Variants in ALG9 observed in about 807,000 individuals in gnomAD.
ALG9 encodes ALG9 alpha-1,2-mannosyltransferase.
A neutral mutation model predicts 81.8 loss-of-function variants in ALG9; 55 were observed. That is an observed-to-expected ratio of 0.67 (90% CI 0.54 to 0.84). The LOEUF (loss-of-function observed/expected upper bound fraction) is 0.84. ALG9 is among the 40% of genes least tolerant of loss of function. The probability of loss-of-function intolerance (pLI) is 0.00; values close to 1 mark genes in which losing one functional copy is unlikely to be tolerated. For missense variants in ALG9, 629 were observed against 745.0 expected (o/e 0.84, Z 1.81); for synonymous variants, 278 against 274.3 (o/e 1.01, Z -0.13).
At chr11:111,813,259 AATGACG>A (rs1555093403) in intron 13 of ALG9, among the ~76,000 whole-genome samples, 1 of 152,234 alleles carries the variant, frequency 6.6e-6, no homozygotes, top group Non-Finnish European at 1.5e-5. Flanking sequence ...TATAAAAAAG[AATGACG>A]ATACATTTGA....
intron 14 of ALG9, among the ~76,000 whole-genome samples, chr11:111,797,890 A>G (rs1555076747): frequency 6.6e-6 from 1 of 152,192 alleles, no homozygotes; most frequent in Non-Finnish European, 1.5e-5. Flanking sequence ...TAATAAGCGT[A>G]TATGATATCA....
intron 10 of ALG9, among the ~76,000 whole-genome samples, chr11:111,838,692 C>A (rs1467794209): frequency 6.6e-6 from 1 of 151,998 alleles, no homozygotes; most frequent in African/African-American, 2.4e-5. Context: ...TTAAGCAATG[C>A]TTTTTTGGTA....
chr11:111,821,172 AT>A (rs1555103291), intron 13 of ALG9, among the ~76,000 whole-genome samples: 1 of 152,100 alleles, frequency 6.6e-6, no homozygotes, highest in African/African-American at 2.4e-5. Flanking sequence ...GATTATCAGT[AT>A]TTTTTTCCTA....
chr11:111,793,528 G>A (rs1184652166), intron 14 of ALG9, among the ~76,000 whole-genome samples: 5 of 152,260 alleles, frequency 3.3e-5, no homozygotes, highest in South Asian at 2.1e-4. Context: ...TTGGGAGGCC[G>A]AGGCGGGCGG....
At chr11:111,856,427 T>C (rs1958695330) in intron 6 of ALG9, among the ~76,000 whole-genome samples, 1 of 151,906 alleles carries the variant, frequency 6.6e-6, no homozygotes, top group Non-Finnish European at 1.5e-5. Flanking sequence ...AAATTTAATA[T>C]GTAGAATACC....
At chr11:111,813,807 G>A in intron 13 of ALG9, among the ~76,000 whole-genome samples, 1 of 152,124 alleles carries the variant, frequency 6.6e-6, no homozygotes, top group East Asian at 1.9e-4. Context: ...AAAAATTACA[G>A]TATCAAGTGT....
intron 14 of ALG9, among the ~76,000 whole-genome samples, chr11:111,791,767 T>C (rs1947447402): frequency 6.6e-6 from 1 of 152,214 alleles, no homozygotes; most frequent in Non-Finnish European, 1.5e-5. Context: ...CATGACTGAG[T>C]CCATCTCATT....
chr11:111,834,202 T>G (rs1555115471), intron 13 of ALG9, among the ~76,000 whole-genome samples: 1 of 152,218 alleles, frequency 6.6e-6, no homozygotes, highest in Non-Finnish European at 1.5e-5. Flanking sequence ...AAGGAAGGTC[T>G]GCTCAATATG....
chr11:111,825,078 G>C (rs1174231193), intron 13 of ALG9, among the ~76,000 whole-genome samples: 1 of 152,170 alleles, frequency 6.6e-6, no homozygotes, highest in African/African-American at 2.4e-5. Flanking sequence ...CATGATCCCT[G>C]TTCTCCAGGT....
chr11:111,871,011 G>A lies in ALG9; in HGVS notation c.131+341C>T, dbSNP rs1476667978. On this transcript the variant is annotated intron_variant, in intron 1 of 14. Coordinates refer to ENST00000616540, the MANE Select transcript of ALG9 (RefSeq NM_024740.2). ...GCCCAGTAAAGGGTCGGGACTTGAG[G>A]GAGAATAAAAGGAGCTGTGAGGAAC... is the stretch of plus-strand genomic sequence containing the variant. 5 of 1,048,428 alleles carry A rather than the reference G, an allele frequency of 4.8e-6. No individual in the cohort carries two copies. The African/African-American group carries it at 8.5e-5, about 18-fold the overall frequency. 64.9% of individuals were successfully genotyped at this position (1,048,428 alleles called of 1,614,324 possible). A position where few individuals can be genotyped will look rare whatever the true frequency, so the allele number is the denominator to read the frequency against.
At position 111,786,442 on chromosome 11, in the gene ALG9, G is replaced by A. The variant is rs1555063948; in HGVS notation, c.1812C>T (p.Leu604=). Residue 604 remains leucine (L), a synonymous_variant, in exon 15 of 15, where the codon CTC becomes CTT. Transcript: ENST00000616540. ...QYTVYVNYTI[L]KPRKAKQIRK... Reference sequence around the variant, plus strand: ...TGATTTGCTTTGCTTTCCGGGGTTTGAGGATGGTGTAGTTTACGTACACTG... The same window carrying A: ...TGATTTGCTTTGCTTTCCGGGGTTTAAGGATGGTGTAGTTTACGTACACTG... 4 of 1,614,110 alleles carry A rather than the reference G, an allele frequency of 2.5e-6. No homozygotes were observed. Among genetic ancestry groups the A allele is most frequent in the Non-Finnish European group, 3.4e-6 (4 of 1,180,020 alleles).
At chr11:111,773,752 T>C in the ALG9 span, among the ~76,000 whole-genome samples, 3 of 93,044 alleles carry the variant, frequency 3.2e-5, no homozygotes, top group African/African-American at 5.5e-5. Context: ...TCATCTTTTG[T>C]TTTTGCTTTT....
intron 14 of ALG9, among the ~76,000 whole-genome samples, chr11:111,806,313 T>A (rs529918186): frequency 6.6e-6 from 1 of 152,206 alleles, no homozygotes; most frequent in Non-Finnish European, 1.5e-5. Flanking sequence ...CTTCTACTAT[T>A]CTCACTTCAA....
chr11:111,826,234 A>C (rs1953252964), intron 13 of ALG9, among the ~76,000 whole-genome samples: 1 of 151,578 alleles, frequency 6.6e-6, no homozygotes, highest in Admixed American at 6.6e-5. Flanking sequence ...AAAAAATAAA[A>C]AATTAGCTGG....
chr11:111,871,049 T>C (rs782022700), intron 1 of ALG9: 35 of 1,122,648 alleles, frequency 3.1e-5, no homozygotes, highest in Middle Eastern at 7.5e-4. Flanking sequence ...CCGTAAAAGG[T>C]ATACTCTTTG....
rs1273441309 is a variant in ALG9 at position 111,784,976 on chromosome 11, G to A, written c.*1421C>T. On this transcript the variant is annotated 3_prime_UTR_variant, in exon 15 of 15. Transcript: ENST00000616540. ...TGGTCTAACACACAGGCAGACTGGAGGCTCCAAAGAACTCAAATACAGACA... is the reference window on the plus strand; with the variant it reads ...TGGTCTAACACACAGGCAGACTGGAAGCTCCAAAGAACTCAAATACAGACA... 6.6e-6 allele frequency: 1 copy of A among 152,590 alleles called. No homozygotes were observed. Among genetic ancestry groups the A allele is most frequent in the Non-Finnish European group, 1.5e-5 (1 of 68,056 alleles). The allele number at this position is 152,590 out of a possible 1,614,324, so 9.5% of individuals were successfully genotyped here. A position where few individuals can be genotyped will look rare whatever the true frequency, so the allele number is the denominator to read the frequency against.
chr11:111,870,108 T>C (rs533855394), intron 2 of ALG9, 124 bp downstream of exon 2: 1 of 1,211,208 alleles, frequency 8.3e-7, no homozygotes, highest in African/African-American at 1.6e-5. Flanking sequence ...TTTTGTTTTT[T>C]TTTTTAAGAA....
intron 14 of ALG9, among the ~76,000 whole-genome samples, chr11:111,791,615 T>C (rs1050881260): frequency 2.0e-5 from 3 of 152,196 alleles, no homozygotes; most frequent in Non-Finnish European, 4.4e-5. Context: ...CCACCTCACC[T>C]TGTGCAATCT....
At chr11:111,788,763 A>C (rs1555067646) in intron 14 of ALG9, among the ~76,000 whole-genome samples, 1 of 151,992 alleles carries the variant, frequency 6.6e-6, no homozygotes, top group Non-Finnish European at 1.5e-5. Context: ...AAAAAAAAAA[A>C]AGTTACTCTT....
Sources: allele counts gnomAD v4.1 joint callset (sites outside exome capture counted in the v4.1 genomes callset), GRCh38; gene constraint gnomAD v4.1.1; transcripts MANE v1.5; gene names NCBI Gene and HGNC (gene_info 2026-07-23, HGNC 2026-07-21).